PIP4K2A: variants seen among roughly 807,000 people sequenced by gnomAD.
PIP4K2A encodes phosphatidylinositol-5-phosphate 4-kinase type 2 alpha.
A neutral mutation model predicts 42.9 loss-of-function variants in PIP4K2A; 14 were observed. That is an observed-to-expected ratio of 0.33 (90% CI 0.22 to 0.51). PIP4K2A has a LOEUF of 0.51. PIP4K2A is among the 20% of genes least tolerant of loss of function. The probability of loss-of-function intolerance (pLI) is 0.97; values close to 1 mark genes in which losing one functional copy is unlikely to be tolerated. For missense variants in PIP4K2A, 434 were observed against 519.8 expected, an observed-to-expected ratio of 0.83 and a Z score of 1.61; for synonymous variants, 192 against 192.2, an observed-to-expected ratio of 1.00 and a Z score of 0.01.
chr10:22,697,360 G>A (rs1393883108), intron 1 of PIP4K2A, among the ~76,000 whole-genome samples: 1 of 152,132 alleles, frequency 6.6e-6, no homozygotes, highest in East Asian at 1.9e-4. Context: ...AGTGGCTAGC[G>A]CACAGAATCA....
At chr10:22,613,353 C>CA (rs1033869632) in intron 1 of PIP4K2A, among the ~76,000 whole-genome samples, 5 of 151,920 alleles carry the variant, frequency 3.3e-5, no homozygotes, top group Admixed American at 2.6e-4. Context: ...GAGGACCTGA[C>CA]AGAGAAGGGA....
chr10:22,643,674 G>T (rs1051464940), intron 1 of PIP4K2A, among the ~76,000 whole-genome samples: 1 of 151,982 alleles, frequency 6.6e-6, no homozygotes, highest in African/African-American at 2.4e-5. Flanking sequence ...ATCTTTTCAT[G>T]CCAGCCAAAT....
chr10:22,714,007 C>T (rs1321819369), intron 1 of PIP4K2A, 176 bp downstream of exon 1: 1 of 601,910 alleles, frequency 1.7e-6, no homozygotes, highest in African/African-American at 1.9e-5. Flanking sequence ...GCCTGGGCGG[C>T]CCAGAGGGCT....
intron 4 of PIP4K2A, among the ~76,000 whole-genome samples, chr10:22,588,640 T>G (rs1019114787): frequency 6.6e-6 from 1 of 152,182 alleles, no homozygotes; most frequent in Non-Finnish European, 1.5e-5. Flanking sequence ...CATGAATAAA[T>G]GAATGAATGA....
chr10:22,669,499 G>A (rs540871847), intron 1 of PIP4K2A, among the ~76,000 whole-genome samples: 1 of 152,048 alleles, frequency 6.6e-6, no homozygotes, highest in African/African-American at 2.4e-5. Context: ...CAACAAAACT[G>A]TCAGAAGCAA....
In PIP4K2A at chr10:22,595,372, T is replaced by C. The variant is rs548994818; in HGVS notation, c.340-3591A>G. Among the ~76,000 whole-genome samples, 8 of 152,346 alleles carry C rather than the reference T, an allele frequency of 5.3e-5. No homozygotes were observed. In the South Asian group the frequency reaches 1.0e-3, roughly 20 times the overall value. On this transcript the variant is annotated intron_variant, in intron 3 of 9. Transcript: ENST00000376573. ...GACTAAACTTCTGTCATCATAATCA[T>C]AGACTTTTTGTAGCCTTTAAAATAA...
chr10:22,660,942 G>A (rs1280140115), intron 1 of PIP4K2A, among the ~76,000 whole-genome samples: 2 of 152,112 alleles, frequency 1.3e-5, no homozygotes, highest in East Asian at 1.9e-4. Flanking sequence ...TGATAACGAC[G>A]TGTCAATGTA....
chr10:22,609,898 C>A (rs1196755842), intron 1 of PIP4K2A, among the ~76,000 whole-genome samples, 181 bp from the exon 2 acceptor site: 1 of 152,056 alleles, frequency 6.6e-6, no homozygotes, highest in Admixed American at 6.5e-5. Flanking sequence ...ATTCCCACTT[C>A]TTATGTCTGT....
rs530223404 is a variant in PIP4K2A at position 22,551,936 on chromosome 10, C to G, written c.679-1164G>C. On this transcript the variant is annotated intron_variant, in intron 6 of 9. Transcript: ENST00000376573. ...CTCCTATTTATAAAGTATAGACATG[C>G]ATGTAAACAGTCACATCTATTTACA... Among the ~76,000 whole-genome samples the G allele has an allele frequency of 2.5e-4, 38 of 152,240 alleles. No homozygotes were observed. The South Asian group carries it at 7.9e-3, about 32-fold the overall frequency.
At chr10:22,538,838 G>C (rs1057226327) in intron 9 of PIP4K2A, among the ~76,000 whole-genome samples, 2 of 152,218 alleles carry the variant, frequency 1.3e-5, no homozygotes, top group African/African-American at 4.8e-5. Flanking sequence ...GCACACAGCA[G>C]GAATACCATA....
chr10:22,624,485 G>A (rs778491868), intron 1 of PIP4K2A, among the ~76,000 whole-genome samples: 9 of 152,132 alleles, frequency 5.9e-5, no homozygotes, highest in Non-Finnish European at 1.0e-4. Context: ...TCTCTGCTTC[G>A]GGTATTTGCT....
chr10:22,639,388 AT>A (rs1838732729), intron 1 of PIP4K2A, among the ~76,000 whole-genome samples: 1 of 151,338 alleles, frequency 6.6e-6, no homozygotes, highest in South Asian at 2.1e-4. Context: ...TAACATTTTG[AT>A]TAACTTAGAG....
At chr10:22,652,045 C>A (rs780785169) in intron 1 of PIP4K2A, among the ~76,000 whole-genome samples, 5 of 152,122 alleles carry the variant, frequency 3.3e-5, no homozygotes, top group Non-Finnish European at 7.3e-5. Context: ...TTTAACTGAG[C>A]CCTGTAACTG....
chr10:22,673,355 G>A (rs187036590), intron 1 of PIP4K2A, among the ~76,000 whole-genome samples: 357 of 152,262 alleles, frequency 2.3e-3, no homozygotes, highest in Non-Finnish European at 4.2e-3. Flanking sequence ...AGGACTCAGT[G>A]CAGGAAAATG....
chr10:22,539,917 G>T, intron 9 of PIP4K2A, 54 bp downstream of exon 9: 2 of 912,560 alleles, frequency 2.2e-6, no homozygotes, highest in Non-Finnish European at 3.6e-6. Flanking sequence ...GAGAGGGAGA[G>T]AGAGAGAGAG....
chr10:22,602,123 T>C (rs1044260444), intron 3 of PIP4K2A, among the ~76,000 whole-genome samples: 11 of 152,182 alleles, frequency 7.2e-5, no homozygotes, highest in African/African-American at 2.4e-4. Flanking sequence ...GTGGGTGCAG[T>C]GGCTCACATC....
chr10:22,644,633 C>CTA (rs780700612), intron 1 of PIP4K2A, among the ~76,000 whole-genome samples: 108 of 152,338 alleles, frequency 7.1e-4, no homozygotes, highest in Non-Finnish European at 1.0e-3. Context: ...ACCCACCACT[C>CTA]TAATCTCCTT....
At chr10:22,552,623 A>T (rs1444119251) in intron 6 of PIP4K2A, among the ~76,000 whole-genome samples, 1 of 152,202 alleles carries the variant, frequency 6.6e-6, no homozygotes. Flanking sequence ...GAAGTTTAAC[A>T]AAACTCAGAG....
intron 6 of PIP4K2A, among the ~76,000 whole-genome samples, chr10:22,556,263 CCT>C (rs899216290): frequency 1.3e-5 from 2 of 151,946 alleles, no homozygotes; most frequent in African/African-American, 4.8e-5. Context: ...CGCCAACCTC[CCT>C]GTCGTGGCGG....
Sources: gnomAD v4.1 joint callset for allele counts (sites outside exome capture counted in the v4.1 genomes callset) on GRCh38, gnomAD v4.1.1 for gene constraint, MANE v1.5 for transcripts, NCBI Gene and HGNC (gene_info 2026-07-23, HGNC 2026-07-21) for gene names.